FIRRM: variants seen among roughly 807,000 people sequenced by gnomAD.
FIRRM encodes the protein FIGNL1-interacting regulator of recombination and mitosis.
At chr1:169,832,672 C>G in the FIRRM span, among the ~76,000 whole-genome samples, 5 of 152,076 alleles carry the variant, frequency 3.3e-5, 1 homozygote, top group South Asian at 1.0e-3. Context: ...GGCTCGATCA[C>G]AGCTCACTGC....
chr1:169,813,365 A>G, the FIRRM span, among the ~76,000 whole-genome samples: 1 of 152,232 alleles, frequency 6.6e-6, no homozygotes, highest in Non-Finnish European at 1.5e-5. Flanking sequence ...ATGAATCTAT[A>G]GCCCTCCCTG....
the FIRRM span, chr1:169,853,965 A>T: frequency 1.5e-6 from 1 of 652,304 alleles, no homozygotes; most frequent in Non-Finnish European, 2.6e-6. Flanking sequence ...ACTGGAAAAT[A>T]GCTTTTCAAA....
At chr1:169,811,274 T>C in the FIRRM span, among the ~76,000 whole-genome samples, 1 of 152,222 alleles carries the variant, frequency 6.6e-6, no homozygotes, top group African/African-American at 2.4e-5. Context: ...TTTTAGAAAT[T>C]TGTATTATTC....
chr1:169,800,715 C>CAT, the FIRRM span, among the ~76,000 whole-genome samples: 1 of 136,906 alleles, frequency 7.3e-6, no homozygotes. Flanking sequence ...TCCTTTCTCT[C>CAT]TTTTTTTTTT....
At chr1:169,801,445 CAAAAAAA>C in the FIRRM span, among the ~76,000 whole-genome samples, 3 of 61,716 alleles carry the variant, frequency 4.9e-5, no homozygotes, top group Admixed American at 1.8e-4. Context: ...TGCTCCGTCT[CAAAAAAA>C]AAAAAAAAAA....
the FIRRM span, chr1:169,850,610 A>T: frequency 3.8e-6 from 1 of 264,050 alleles, no homozygotes; most frequent in Non-Finnish European, 7.3e-6. Context: ...AGCCTGGCCA[A>T]CATGGGGAAA....
the FIRRM span, chr1:169,842,484 A>C: frequency 2.9e-5 from 47 of 1,613,950 alleles, no homozygotes; most frequent in African/African-American, 5.9e-4. Context: ...ACAGGAAAAC[A>C]AACTGCAATT....
At chr1:169,838,912 G>A in the FIRRM span, among the ~76,000 whole-genome samples, 6 of 152,162 alleles carry the variant, frequency 3.9e-5, 1 homozygote, top group African/African-American at 1.2e-4. Flanking sequence ...GTACCCAACC[G>A]TTTATCAACC....
chr1:169,827,473 A>G, the FIRRM span, among the ~76,000 whole-genome samples: 1 of 152,146 alleles, frequency 6.6e-6, no homozygotes, highest in Non-Finnish European at 1.5e-5. Context: ...CGCCATCTCT[A>G]CTAAAAATAC....
chr1:169,795,327 A>G, the FIRRM span: 1 of 1,422,368 alleles, frequency 7.0e-7, no homozygotes, highest in Non-Finnish European at 9.4e-7. Context: ...CCGCGGCCTG[A>G]ACCCCCTCTT....
chr1:169,787,489 C>G, the FIRRM span, among the ~76,000 whole-genome samples: 2 of 152,130 alleles, frequency 1.3e-5, no homozygotes, highest in Non-Finnish European at 2.9e-5. Context: ...ATCCTCCTTA[C>G]CCTTGATGCT....
At chr1:169,805,026 C>G in the FIRRM span, among the ~76,000 whole-genome samples, 1 of 152,280 alleles carries the variant, frequency 6.6e-6, no homozygotes, top group South Asian at 2.1e-4. Context: ...TAACACACTT[C>G]ATTGATTTTA....
the FIRRM span, chr1:169,795,203 C>T: frequency 1.3e-6 from 2 of 1,536,020 alleles, no homozygotes; most frequent in Non-Finnish European, 1.7e-6. Context: ...TCCGTCCTGC[C>T]CCGACTCCTC....
At chr1:169,826,378 T>C in the FIRRM span, among the ~76,000 whole-genome samples, 4 of 143,472 alleles carry the variant, frequency 2.8e-5, no homozygotes, top group Non-Finnish European at 6.1e-5. Context: ...TTTTTTTTTT[T>C]CTGAGATAGA....
At chr1:169,798,984 G>A in the FIRRM span, 1 of 951,180 alleles carries the variant, frequency 1.1e-6, no homozygotes, top group Non-Finnish European at 1.6e-6. Context: ...TTAACTGTAT[G>A]ATGTACTTTG....
chr1:169,817,218 A>T, the FIRRM span, among the ~76,000 whole-genome samples: 1 of 152,262 alleles, frequency 6.6e-6, no homozygotes, highest in African/African-American at 2.4e-5. Flanking sequence ...TCTTCATGAG[A>T]GTCCTGAAAA....
At chr1:169,795,961 G>T in the FIRRM span, 3 of 985,298 alleles carry the variant, frequency 3.0e-6, no homozygotes, top group Non-Finnish European at 2.4e-6. Context: ...TTGTAAATGT[G>T]CCTGGAATCC....
the FIRRM span, among the ~76,000 whole-genome samples, chr1:169,839,567 G>A: frequency 6.6e-6 from 1 of 152,076 alleles, no homozygotes; most frequent in Admixed American, 6.5e-5. Flanking sequence ...GTCTGTTCAT[G>A]TCTTTTGCCC....
At chr1:169,812,195 A>G in the FIRRM span, among the ~76,000 whole-genome samples, 1 of 152,242 alleles carries the variant, frequency 6.6e-6, no homozygotes, top group Non-Finnish European at 1.5e-5. Context: ...AATCTTGTGT[A>G]ATTTCCTCTT....
Sources: allele counts gnomAD v4.1 joint callset (sites outside exome capture counted in the v4.1 genomes callset), GRCh38; gene constraint gnomAD v4.1.1; transcripts MANE v1.5; gene names NCBI Gene and HGNC (gene_info 2026-07-23, HGNC 2026-07-21).